ACBD7: variants seen among roughly 807,000 people sequenced by gnomAD.
ACBD7 encodes the protein acyl-CoA binding domain containing 7.
ACBD7 carries 11 observed loss-of-function variants against 13.7 expected under a neutral mutation model. That is an observed-to-expected ratio of 0.80 (90% CI 0.50 to 1.33). ACBD7 has a LOEUF of 1.33. Ranked by LOEUF, ACBD7 falls within the 40% of genes most tolerant of loss-of-function variation. The probability of loss-of-function intolerance (pLI) is 0.00; values close to 1 mark genes in which losing one functional copy is unlikely to be tolerated. For missense variants in ACBD7, 111 were observed against 103.0 expected, an observed-to-expected ratio of 1.08 and a Z score of -0.33; for synonymous variants, 43 against 37.7, an observed-to-expected ratio of 1.14 and a Z score of -0.51.
chr10:15,087,418 T>G (rs568892552), intron 1 of ACBD7, among the ~76,000 whole-genome samples: 3 of 152,298 alleles, frequency 2.0e-5, no homozygotes, highest in African/African-American at 7.2e-5. Flanking sequence ...CAGGATAACG[T>G]CTTGCCTGAC....
At chr10:15,082,806 G>T (rs1844764881) in intron 1 of ACBD7, among the ~76,000 whole-genome samples, 1 of 152,074 alleles carries the variant, frequency 6.6e-6, no homozygotes, top group South Asian at 2.1e-4. Context: ...GGAGGCTGAG[G>T]GAGGTGGCTC....
Position 15,075,980 on chromosome 10 carries a change from A to C in ACBD7, c.*2550T>G, listed in dbSNP as rs79575410. 3.1e-6 allele frequency: 1 copy of C among 322,732 alleles called. No homozygotes were observed. The highest frequency in any genetic ancestry group is 1.1e-4 in the Admixed American group (1 of 9,280). The allele number at this position is 322,732 out of a possible 1,614,324, so 20.0% of individuals were successfully genotyped here. A position where few individuals can be genotyped will look rare whatever the true frequency, so the allele number is the denominator to read the frequency against. ...CAGAGTGACAGCCTGTCTCAACAAA[A>C]AAAAAAAAAAAAAAAAAGAAAAGAA... On this transcript the variant is annotated 3_prime_UTR_variant, in exon 4 of 4. Coordinates refer to ENST00000356189, the MANE Select transcript of ACBD7 (RefSeq NM_001039844.3).
At chr10:15,086,738 G>T (rs1844813502) in intron 1 of ACBD7, among the ~76,000 whole-genome samples, 1 of 152,120 alleles carries the variant, frequency 6.6e-6, no homozygotes, top group Non-Finnish European at 1.5e-5. Context: ...GGAAAGCCTG[G>T]CATGGTGGCT....
In ACBD7 at chr10:15,077,094, T is replaced by A; in HGVS notation, c.*1436A>T. 1 of 196,754 alleles carries A rather than the reference T, an allele frequency of 5.1e-6. No homozygotes were observed. The highest frequency in any genetic ancestry group is 9.2e-6 in the Non-Finnish European group (1 of 108,838). 12.2% of individuals were successfully genotyped at this position (196,754 alleles called of 1,614,324 possible). ...GCAATCCCACTACTGGGTATCTTCT[T>A]AAAGGAAAATAAATCATTCTATCCA... On this transcript the variant is annotated 3_prime_UTR_variant, in exon 4 of 4. Coordinates refer to ENST00000356189, the MANE Select transcript of ACBD7 (RefSeq NM_001039844.3).
intron 1 of ACBD7, among the ~76,000 whole-genome samples, chr10:15,083,664 A>G (rs918333503): frequency 1.2e-4 from 18 of 152,160 alleles, no homozygotes; most frequent in Middle Eastern, 3.4e-3. Flanking sequence ...TGTATTTTTA[A>G]TAAAGATAGG....
At chr10:15,081,787 T>C (rs186147490) in intron 1 of ACBD7, among the ~76,000 whole-genome samples, 4 of 152,336 alleles carry the variant, frequency 2.6e-5, no homozygotes, top group African/African-American at 9.6e-5. Flanking sequence ...GATCAGGGTC[T>C]TCAGCCTAAA....
At position 15,079,050 on chromosome 10, in the gene ACBD7, G is replaced by GAACA; in HGVS notation, c.13-14_13-11dup. ...CCCTGTCAAAATCAGCCTAAAGGAA[G>GAACA]AACAAACAAACAAACAAAAGGAGCA... On this transcript the variant is annotated splice_polypyrimidine_tract_variant and intron_variant, in intron 1 of 3. Transcript: ENST00000356189. The GAACA allele has an allele frequency of 1.3e-6, 2 of 1,589,344 alleles. No homozygotes were observed. Among genetic ancestry groups the GAACA allele is most frequent in the East Asian group, 2.3e-5 (1 of 44,378 alleles).
intron 1 of ACBD7, among the ~76,000 whole-genome samples, chr10:15,087,710 G>A (rs535214287): frequency 2.6e-5 from 4 of 151,946 alleles, no homozygotes; most frequent in South Asian, 2.1e-4. Context: ...CTTGGGAGGC[G>A]GAGGTTGCGG....
chr10:15,078,433 T>C lies in ACBD7; in HGVS notation c.*97A>G, dbSNP rs1844708631. ...CTCATGCTAATAGCAAAAATATACATGATACATCAAGTTAACAGTATGCCT... is the reference window on the plus strand; with the variant it reads ...CTCATGCTAATAGCAAAAATATACACGATACATCAAGTTAACAGTATGCCT... On this transcript the variant is annotated 3_prime_UTR_variant, in exon 4 of 4. Transcript: ENST00000356189. 1.9e-6 allele frequency: 3 copies of C among 1,597,718 alleles called. No individual in the cohort carries two copies. The highest frequency in any genetic ancestry group is 2.2e-5 in the South Asian group (2 of 89,710).
chr10:15,082,693 G>C (rs746431156), intron 1 of ACBD7, among the ~76,000 whole-genome samples: 5 of 152,054 alleles, frequency 3.3e-5, no homozygotes, highest in Non-Finnish European at 7.3e-5. Flanking sequence ...ACAGCAACTC[G>C]ACTCCTTTTG....
chr10:15,076,101 G>C lies in ACBD7; in HGVS notation c.*2429C>G. The stretch of plus-strand genomic sequence containing the variant: ...CCTGGAAATTCATCTAGCAGACCTA[G>C]ATAGTTTTGTTGTTGTAGTAACATG... On this transcript the variant is annotated 3_prime_UTR_variant, in exon 4 of 4. Transcript: ENST00000356189. 2 of 984,848 alleles carry C rather than the reference G, an allele frequency of 2.0e-6. No individual in the cohort carries two copies. Among genetic ancestry groups the C allele is most frequent in the Non-Finnish European group, 2.4e-6 (2 of 829,492 alleles). 61.0% of individuals were successfully genotyped at this position (984,848 alleles called of 1,614,324 possible). A position where few individuals can be genotyped will look rare whatever the true frequency, so the allele number is the denominator to read the frequency against.
At chr10:15,082,807 G>T (rs1844764910) in intron 1 of ACBD7, among the ~76,000 whole-genome samples, 1 of 152,072 alleles carries the variant, frequency 6.6e-6, no homozygotes, top group Admixed American at 6.6e-5. Flanking sequence ...GAGGCTGAGG[G>T]AGGTGGCTCA....
At chr10:15,079,143 G>T in intron 1 of ACBD7, 103 bp from the exon 2 acceptor site, 1 of 613,958 alleles carries the variant, frequency 1.6e-6, no homozygotes, top group Non-Finnish European at 2.7e-6. Flanking sequence ...ATGAACTTCT[G>T]CTGCTCTGGT....
intron 1 of ACBD7, among the ~76,000 whole-genome samples, chr10:15,087,460 T>A (rs1248234127): frequency 1.3e-5 from 2 of 152,176 alleles, no homozygotes; most frequent in Non-Finnish European, 2.9e-5. Context: ...CCACGTTCTA[T>A]GAAATTTTGT....
chr10:15,088,374 C>G, intron 1 of ACBD7: 1 of 457,590 alleles, frequency 2.2e-6, no homozygotes, highest in Non-Finnish European at 3.9e-6. Context: ...TAAGAGAGGT[C>G]CTGGAGGTCC....
chr10:15,076,183 T>G lies in ACBD7; in HGVS notation c.*2347A>C, dbSNP rs1844679289. The G allele has an allele frequency of 6.1e-6, 6 of 985,298 alleles. No individual in the cohort carries two copies. The highest frequency in any genetic ancestry group is 7.2e-6 in the Non-Finnish European group (6 of 829,880). 61.0% of individuals were successfully genotyped at this position (985,298 alleles called of 1,614,324 possible). On this transcript the variant is annotated 3_prime_UTR_variant, in exon 4 of 4. Coordinates refer to ENST00000356189, the MANE Select transcript of ACBD7 (RefSeq NM_001039844.3). ...CAAATCTAAATTTTTATGCAGGGAA[T>G]AGAGGTACACTGTTTTGGGGGATAT...
chr10:15,077,093 T>C lies in ACBD7; in HGVS notation c.*1437A>G, dbSNP rs1844690826. On this transcript the variant is annotated 3_prime_UTR_variant, in exon 4 of 4. Transcript: ENST00000356189. The stretch of plus-strand genomic sequence containing the variant: ...AGCAATCCCACTACTGGGTATCTTC[T>C]TAAAGGAAAATAAATCATTCTATCC... 2 of 203,694 alleles carry C rather than the reference T, an allele frequency of 9.8e-6. No individual in the cohort carries two copies. Among genetic ancestry groups the C allele is most frequent in the Admixed American group, 6.5e-5 (1 of 15,296 alleles). 12.6% of individuals were successfully genotyped at this position (203,694 alleles called of 1,614,324 possible). A position where few individuals can be genotyped will look rare whatever the true frequency, so the allele number is the denominator to read the frequency against.
Position 15,080,321 on chromosome 10 carries a change from T to C in ACBD7, c.13-1281A>G, listed in dbSNP as rs531949679. 1.7e-4 allele frequency among the ~76,000 whole-genome samples: 26 copies of C among 152,298 alleles called. No homozygotes were observed. The South Asian group carries it at 5.2e-3, about 30-fold the overall frequency. Reference sequence around the variant, plus strand: ...TAAGCCTGGTGTGGTGGCTCATGCCTGTAATCCTAGCACTTTGGGATGCTG... The same window carrying C: ...TAAGCCTGGTGTGGTGGCTCATGCCCGTAATCCTAGCACTTTGGGATGCTG... On this transcript the variant is annotated intron_variant, in intron 1 of 3. Coordinates refer to ENST00000356189, the MANE Select transcript of ACBD7 (RefSeq NM_001039844.3).
intron 1 of ACBD7, among the ~76,000 whole-genome samples, chr10:15,084,780 T>C (rs1268708614): frequency 6.6e-6 from 1 of 152,186 alleles, no homozygotes; most frequent in Non-Finnish European, 1.5e-5. Context: ...GAAATGAAGT[T>C]ACAAAGGTAC....
Sources: gnomAD v4.1 joint callset for allele counts (sites outside exome capture counted in the v4.1 genomes callset) on GRCh38, gnomAD v4.1.1 for gene constraint, MANE v1.5 for transcripts, NCBI Gene and HGNC (gene_info 2026-07-23, HGNC 2026-07-21) for gene names.